The following SEMA4D variants were observed in gnomAD, a reference collection of about 807,000 sequenced individuals.
The protein encoded by SEMA4D is semaphorin 4D, also known as semaphorin-4D.
SEMA4D carries 22 observed loss-of-function variants against 74.8 expected under a neutral mutation model. The observed-to-expected ratio is 0.29, with a 90% CI of 0.21 to 0.42. The LOEUF is 0.42. Ranked by LOEUF, SEMA4D falls within the 10% of genes least tolerant of loss-of-function variation. The pLI is 1.00. For missense variants in SEMA4D, 937 were observed against 1,118.4 expected (o/e 0.84, Z 2.31); for synonymous variants, 445 against 463.7 (o/e 0.96, Z 0.52).
chr9:89,456,696 G>A (rs140110659), intron 1 of SEMA4D, among the ~76,000 whole-genome samples: 2,715 of 152,180 alleles, frequency 0.018, 32 homozygotes, highest in Middle Eastern at 0.078. Flanking sequence ...TTCTGCTGCC[G>A]CTGCCTCAGC....
At chr9:89,443,799 T>C (rs971255863) in intron 2 of SEMA4D, among the ~76,000 whole-genome samples, 2 of 152,218 alleles carry the variant, frequency 1.3e-5, no homozygotes, top group African/African-American at 4.8e-5. Context: ...GCTCCCTGCA[T>C]AGGTGTGGCC....
At chr9:89,415,249 T>C (rs1193606167) in intron 2 of SEMA4D, among the ~76,000 whole-genome samples, 1 of 152,198 alleles carries the variant, frequency 6.6e-6, no homozygotes, top group Non-Finnish European at 1.5e-5. Flanking sequence ...AATAATCATC[T>C]TCCACTGGCC....
intron 1 of SEMA4D, among the ~76,000 whole-genome samples, chr9:89,491,643 ACT>A (rs1284131663): frequency 6.6e-6 from 1 of 151,948 alleles, no homozygotes; most frequent in Non-Finnish European, 1.5e-5. Context: ...TGCCAGGGAG[ACT>A]CTGCATTTCC....
intron 1 of SEMA4D, chr9:89,479,810 G>T: frequency 1.3e-5 from 2 of 158,466 alleles, no homozygotes; most frequent in Non-Finnish European, 1.4e-5. Flanking sequence ...CATAAAAGCA[G>T]CGTGGACCCA....
chr9:89,370,172 G>A (rs1242415223), intron 16 of SEMA4D, among the ~76,000 whole-genome samples: 1 of 151,452 alleles, frequency 6.6e-6, no homozygotes, highest in Non-Finnish European at 1.5e-5. Flanking sequence ...TGGTCTGTGT[G>A]TATGGTGTTT....
In SEMA4D at chr9:89,400,687, C is replaced by T. The variant is rs780178974; in HGVS notation, c.253-1349G>A. ...TAAAGTACAGATGATTTCGTCAACT[C>T]GCATGAAATGCATAAGGACAAGGGA... On this transcript the variant is annotated intron_variant, in intron 4 of 15. Coordinates refer to ENST00000422704, the MANE Select transcript of SEMA4D (RefSeq NM_001371194.2). Among the ~76,000 whole-genome samples the T allele has an allele frequency of 9.2e-5, 14 of 152,232 alleles. 1 individual carries two copies. The highest frequency in any genetic ancestry group is 2.1e-4 in the South Asian group (1 of 4,832).
intron 1 of SEMA4D, among the ~76,000 whole-genome samples, chr9:89,474,994 T>C (rs1203696175): frequency 1.3e-5 from 2 of 151,980 alleles, no homozygotes; most frequent in African/African-American, 4.8e-5. Flanking sequence ...ACAGGGAGGG[T>C]TTCACAGCTG....
rs61735013 is a variant in SEMA4D at position 89,450,156 on chromosome 9, A to G, written c.-244+5732T>C. On this transcript the variant is annotated intron_variant, in intron 2 of 15. Transcript: ENST00000422704. Reference sequence around the variant, plus strand: ...GCAGCATGTCATCGATGGAGAAAAAACCATTACCCAGATTCCCACAGACAA... The same window carrying G: ...GCAGCATGTCATCGATGGAGAAAAAGCCATTACCCAGATTCCCACAGACAA... 2.3e-3 allele frequency: 2,914 copies of G among 1,281,464 alleles called. 43 individuals are homozygous for G. In the African/African-American group the frequency reaches 0.037, roughly 16 times the overall value. The allele number at this position is 1,281,464 out of a possible 1,614,324, so 79.4% of individuals were successfully genotyped here.
At chr9:89,372,132 TTGGG>T (rs1835101698) in intron 16 of SEMA4D, among the ~76,000 whole-genome samples, 1 of 16,584 alleles carries the variant, frequency 6.0e-5, no homozygotes, top group Non-Finnish European at 1.1e-4. Context: ...GGTGTGTGTG[TTGGG>T]GGGCGTGGTG....
chr9:89,472,051 T>A (rs1037651802), intron 1 of SEMA4D, among the ~76,000 whole-genome samples: 1 of 152,158 alleles, frequency 6.6e-6, no homozygotes, highest in Non-Finnish European at 1.5e-5. Context: ...CATGCCCGCT[T>A]AGGTGCACAC....
At position 89,405,466 on chromosome 9, in the gene SEMA4D, G is replaced by C; in HGVS notation, c.-10C>G. ...GGGTGCACATCCTCATCAGGTAGAG[G>C]CGACCCCAGGGGCTTCAGCAGCAAA... On this transcript the variant is annotated 5_prime_UTR_variant, in exon 3 of 16. Transcript: ENST00000422704. 1 of 1,612,984 alleles carries C rather than the reference G, an allele frequency of 6.2e-7. No individual in the cohort carries two copies. The highest frequency in any genetic ancestry group is 8.5e-7 in the Non-Finnish European group (1 of 1,179,974).
rs182900022 is a variant in SEMA4D, at chr9:89,486,014, G to T, written c.-310+11905C>A. The stretch of plus-strand genomic sequence containing the variant: ...ACCCAGTCTTACAGGACTGTGGTCA[G>T]AACTCCATGAGACGGATAGAGTTTG... On this transcript the variant is annotated intron_variant, in intron 1 of 15. Coordinates refer to ENST00000422704, the MANE Select transcript of SEMA4D (RefSeq NM_001371194.2). 4.5e-3 allele frequency among the ~76,000 whole-genome samples: 688 copies of T among 152,228 alleles called. 4 individuals are homozygous for T. Among genetic ancestry groups the T allele is most frequent in the African/African-American group, 0.016 (651 of 41,526 alleles).
At chr9:89,462,985 A>AGGGGAGCGAGCGACGGG (rs796527294) in intron 1 of SEMA4D, among the ~76,000 whole-genome samples, 1 of 122,882 alleles carries the variant, frequency 8.1e-6, no homozygotes, top group Admixed American at 8.2e-5. Flanking sequence ...GGAGCGAGGG[A>AGGGGAGCGAGCGACGGG]GAAAGAGAGG....
chr9:89,413,977 A>G (rs889488651), intron 2 of SEMA4D, among the ~76,000 whole-genome samples: 4 of 152,162 alleles, frequency 2.6e-5, no homozygotes, highest in Non-Finnish European at 5.9e-5. Flanking sequence ...TGCATCTTAG[A>G]TGTGAATAGT....
intron 2 of SEMA4D, among the ~76,000 whole-genome samples, chr9:89,414,643 T>C (rs978348184): frequency 2.6e-5 from 4 of 152,214 alleles, no homozygotes; most frequent in Non-Finnish European, 5.9e-5. Context: ...GAATCAGGAA[T>C]GGGTTTCAGG....
At chr9:89,409,767 C>A (rs1363706811) in intron 2 of SEMA4D, among the ~76,000 whole-genome samples, 1 of 152,126 alleles carries the variant, frequency 6.6e-6, no homozygotes, top group East Asian at 1.9e-4. Context: ...TGCTGGATCA[C>A]TGTTGGAGAG....
At chr9:89,363,477 C>T (rs1420520875) in exon 18 of SEMA4D, 3 of 1,614,016 alleles carry the variant, frequency 1.9e-6, no homozygotes, top group African/African-American at 1.3e-5. Context: ...TCCCCAGCCA[C>T]AGCCCTCCAG....
At chr9:89,448,319 C>T (rs935024299) in intron 2 of SEMA4D, among the ~76,000 whole-genome samples, 8 of 152,204 alleles carry the variant, frequency 5.3e-5, no homozygotes, top group Non-Finnish European at 1.0e-4. Context: ...TCCAGTCATA[C>T]CTGACCTATT....
intron 2 of SEMA4D, among the ~76,000 whole-genome samples, chr9:89,444,572 A>G (rs1852395015): frequency 6.6e-6 from 1 of 152,152 alleles, no homozygotes; most frequent in Non-Finnish European, 1.5e-5. Flanking sequence ...AGGACGGATT[A>G]TTGACTAATT....
Sources: allele counts gnomAD v4.1 joint callset (sites outside exome capture counted in the v4.1 genomes callset), GRCh38; gene constraint gnomAD v4.1.1; transcripts MANE v1.5; gene names NCBI Gene and HGNC (gene_info 2026-07-23, HGNC 2026-07-21).